TGFBR1: variants seen among roughly 807,000 people sequenced by gnomAD.
The protein encoded by TGFBR1 is TGF-beta receptor type-1.
TGFBR1 carries 20 observed loss-of-function variants against 55.1 expected under a neutral mutation model. That is an observed-to-expected ratio of 0.36 (90% confidence interval 0.26 to 0.53). TGFBR1 has a LOEUF of 0.53. Ranked by LOEUF, TGFBR1 falls within the 20% of genes least tolerant of loss-of-function variation. The probability of loss-of-function intolerance (pLI) is 0.91; values close to 1 mark genes in which losing one functional copy is unlikely to be tolerated. For synonymous variants in TGFBR1, 220 were observed against 214.8 expected, an observed-to-expected ratio of 1.02 and a Z score of -0.21; for missense variants, 385 against 617.6, an observed-to-expected ratio of 0.62 and a Z score of 3.99.
At position 99,149,307 on chromosome 9, in the gene TGFBR1, T is replaced by A; in HGVS notation, c.*2T>A. ...CAACAGGAAGGCATCAAAATGTAAT[T>A]CTACAGCTTTGCCTGAACTCTCCTT... On this transcript the variant is annotated 3_prime_UTR_variant, in exon 9 of 9. Coordinates refer to ENST00000374994, the MANE Select transcript of TGFBR1 (RefSeq NM_004612.4). The A allele has an allele frequency of 1.2e-6, 2 of 1,613,666 alleles. No homozygotes were observed. The highest frequency in any genetic ancestry group is 1.7e-6 in the Non-Finnish European group (2 of 1,179,682).
At chr9:99,125,729 G>T (rs1827022686) in intron 1 of TGFBR1, among the ~76,000 whole-genome samples, 1 of 152,260 alleles carries the variant, frequency 6.6e-6, no homozygotes, top group Non-Finnish European at 1.5e-5. Context: ...TGTTGAGACA[G>T]TGGCTACTCA....
At chr9:99,130,962 T>C (rs1827204825) in intron 2 of TGFBR1, among the ~76,000 whole-genome samples, 1 of 152,206 alleles carries the variant, frequency 6.6e-6, no homozygotes, top group Non-Finnish European at 1.5e-5. Context: ...TTTAAGAAAC[T>C]GTGTTACAAT....
chr9:99,130,391 C>T (rs1056582657), intron 2 of TGFBR1, among the ~76,000 whole-genome samples: 1 of 152,146 alleles, frequency 6.6e-6, no homozygotes, highest in South Asian at 2.1e-4. Context: ...ACTGCTGTAG[C>T]GCAGAAGGAA....
chr9:99,106,271 A>G (rs1826412168), intron 1 of TGFBR1, among the ~76,000 whole-genome samples: 1 of 152,218 alleles, frequency 6.6e-6, no homozygotes. Flanking sequence ...AAAATAGTAA[A>G]TCAGGTTGGG....
chr9:99,131,687 A>T (rs954580974), intron 2 of TGFBR1, among the ~76,000 whole-genome samples: 1 of 152,102 alleles, frequency 6.6e-6, no homozygotes, highest in Non-Finnish European at 1.5e-5. Flanking sequence ...TGGTGGACCT[A>T]TTGGCCGGGC....
At chr9:99,120,101 A>C (rs1826855547) in intron 1 of TGFBR1, among the ~76,000 whole-genome samples, 1 of 152,216 alleles carries the variant, frequency 6.6e-6, no homozygotes. Context: ...TGAGATTGGT[A>C]CTGTTTGTTA....
Position 99,136,626 on chromosome 9 carries a change from T to C in TGFBR1, c.575-1233T>C, listed in dbSNP as rs1038192046. ...CCTTATAAACACAAACAGTTATTTA[T>C]AGTTATACTGCTAACTACTTTACAG... On this transcript the variant is annotated intron_variant, in intron 3 of 8. Coordinates refer to ENST00000374994, the MANE Select transcript of TGFBR1 (RefSeq NM_004612.4). 4.6e-5 allele frequency among the ~76,000 whole-genome samples: 7 copies of C among 152,298 alleles called. No individual in the cohort carries two copies. In the South Asian group the frequency reaches 1.5e-3, roughly 32 times the overall value.
At chr9:99,128,703 C>A in intron 1 of TGFBR1, 152 bp from the exon 2 acceptor site, 2 of 1,004,162 alleles carry the variant, frequency 2.0e-6, no homozygotes, top group Non-Finnish European at 3.0e-6. Flanking sequence ...CTTCTAAGAG[C>A]AACAAATAGT....
intron 6 of TGFBR1, chr9:99,146,103 T>C: frequency 3.4e-6 from 1 of 298,352 alleles, no homozygotes; most frequent in Non-Finnish European, 6.4e-6. Flanking sequence ...ATTATTTTTT[T>C]CCCTGGAGTA....
At chr9:99,115,758 G>C (rs1826717024) in intron 1 of TGFBR1, among the ~76,000 whole-genome samples, 1 of 152,038 alleles carries the variant, frequency 6.6e-6, no homozygotes, top group South Asian at 2.1e-4. Flanking sequence ...ATGTGTGATA[G>C]ATTTAAATAA....
Position 99,132,726 on chromosome 9 carries a change from A to G in TGFBR1, c.561A>G (p.Ser187=), listed in dbSNP as rs1315925147. 3 of 1,614,182 alleles carry G rather than the reference A, an allele frequency of 1.9e-6. No individual in the cohort carries two copies. In the Admixed American group the frequency reaches 5.0e-5, roughly 27 times the overall value. ...LKDLIYDMTT[S]GSGSGLPLLV... is the part of the protein sequence containing the mutation. ...ACTTAATTTATGATATGACAACGTC[A>G]GGTTCTGGCTCAGGTAACATAATTG... The change falls in exon 3 of 9, where the codon TCA becomes TCG. Residue 187 remains serine, a synonymous_variant. Transcript: ENST00000374994.
chr9:99,136,500 T>C (rs975725448), intron 3 of TGFBR1, among the ~76,000 whole-genome samples: 1 of 152,254 alleles, frequency 6.6e-6, no homozygotes, highest in Non-Finnish European at 1.5e-5. Flanking sequence ...TAAATTAGTA[T>C]CTACACTAAA....
intron 4 of TGFBR1, among the ~76,000 whole-genome samples, chr9:99,140,463 AAAC>A (rs969792632): frequency 1.6e-4 from 24 of 152,092 alleles, no homozygotes; most frequent in South Asian, 6.2e-4. Context: ...CTCAAAAAAA[AAAC>A]AACAACAAAA....
chr9:99,119,970 T>C (rs1446439239), intron 1 of TGFBR1, among the ~76,000 whole-genome samples: 1 of 152,204 alleles, frequency 6.6e-6, no homozygotes, highest in African/African-American at 2.4e-5. Context: ...TGGCACGTAA[T>C]AGGAGCTCCA....
chr9:99,105,297 C>T lies in TGFBR1; in HGVS notation c.92C>T (p.Ala31Val), dbSNP rs1826374618. 1.0e-6 allele frequency: 1 copy of T among 988,742 alleles called. No individual in the cohort carries two copies. Among genetic ancestry groups the T allele is most frequent in the South Asian group, 4.5e-5 (1 of 22,140 alleles). The allele number at this position is 988,742 out of a possible 1,614,324, so 61.2% of individuals were successfully genotyped here. ...GCGGCGGCGGCGCTGCTCCCGGGGG[C>T]GACGGGTGAGCGGCGGCGCGGCGGG... ...AAAAAALLPG[A>V]TALQCFCHLC... is the part of the protein sequence containing the mutation. Residue 31 changes from alanine (A) to valine (V), a missense_variant, in exon 1 of 9, where the codon GCG (alanine) becomes GTG (valine). By Grantham distance (64) the Ala-to-Val change is moderately conservative. Coordinates refer to ENST00000374994, the MANE Select transcript of TGFBR1 (RefSeq NM_004612.4).
intron 1 of TGFBR1, among the ~76,000 whole-genome samples, chr9:99,123,906 T>C (rs1826963902): frequency 6.6e-6 from 1 of 152,222 alleles, no homozygotes; most frequent in African/African-American, 2.4e-5. Flanking sequence ...TCCAAATGTG[T>C]TAATAAAGTA....
intron 5 of TGFBR1, among the ~76,000 whole-genome samples, chr9:99,143,047 A>C (rs1827673399): frequency 1.3e-5 from 2 of 152,162 alleles, no homozygotes; most frequent in Non-Finnish European, 2.9e-5. Context: ...TAATAGAGAG[A>C]GACCCTGTCT....
chr9:99,105,718 T>G (rs1258356615), intron 1 of TGFBR1, among the ~76,000 whole-genome samples: 1 of 151,992 alleles, frequency 6.6e-6, no homozygotes, highest in Non-Finnish European at 1.5e-5. Context: ...CGTGACCTTG[T>G]TCTGGGGACC....
intron 1 of TGFBR1, among the ~76,000 whole-genome samples, chr9:99,113,872 C>T (rs140324093): frequency 1.2e-4 from 18 of 152,228 alleles, no homozygotes; most frequent in African/African-American, 3.6e-4. Context: ...TCCCTGTCAC[C>T]CTGGAACTAT....
Sources: gnomAD v4.1 joint callset for allele counts (sites outside exome capture counted in the v4.1 genomes callset) on GRCh38, gnomAD v4.1.1 for gene constraint, MANE v1.5 for transcripts, NCBI Gene and HGNC (gene_info 2026-07-23, HGNC 2026-07-21) for gene names.